Variants in RBFOX1 observed in about 807,000 individuals in gnomAD.
RBFOX1 encodes RNA binding fox-1 homolog 1, also known as RNA binding protein fox-1 homolog 1.
In RBFOX1, 8 loss-of-function variants were observed where a neutral mutation model predicts 57.7. The observed-to-expected ratio is 0.14, with a 90% CI of 0.08 to 0.25. The LOEUF (loss-of-function observed/expected upper bound fraction) is 0.25, where lower values mean the gene tolerates loss of function less well. RBFOX1 is among the 10% of genes least tolerant of loss of function. The pLI is 1.00. For missense variants in RBFOX1, 611 were observed against 548.5 expected (o/e 1.11, Z -1.14); for synonymous variants, 326 against 222.4 (o/e 1.47, Z -4.15).
At position 6,019,363 on chromosome 16, in the gene RBFOX1, C is replaced by A. The variant is rs1344931886; in HGVS notation, c.-756C>A. 20 of 985,258 alleles carry A rather than the reference C, an allele frequency of 2.0e-5. 1 individual carries two copies. Among genetic ancestry groups the A allele is most frequent in the Non-Finnish European group, 2.4e-5 (20 of 830,070 alleles). The allele number at this position is 985,258 out of a possible 1,614,324, so 61.0% of individuals were successfully genotyped here. ...CCTCCTCCAGCCAGAGTCGGTGGGACTGGCTGCGCTGCCCTGAAGTGGTTC... is the reference window on the plus strand; with the variant it reads ...CCTCCTCCAGCCAGAGTCGGTGGGAATGGCTGCGCTGCCCTGAAGTGGTTC... On this transcript the variant is annotated 5_prime_UTR_variant, in exon 1 of 16. In the 5' UTR this introduces an upstream ATG that the reference lacks. Coordinates refer to ENST00000550418, the MANE Select transcript of RBFOX1 (RefSeq NM_018723.4). The surrounding 1 kb of genome is among the most constrained non-coding windows in gnomAD (Gnocchi z 4.2).
Position 7,450,635 on chromosome 16 carries a change from T to A in RBFOX1, c.28-67512T>A, listed in dbSNP as rs570924039. Among the ~76,000 whole-genome samples the A allele has an allele frequency of 3.9e-4, 59 of 152,158 alleles. No individual in the cohort carries two copies. The South Asian group carries it at 0.011, about 28-fold the overall frequency. ...GATTCCAGGCTCCTTTCCAGACCTC[T>A]CCCCTTTTTCACTTTTCCGCCTGAT... On this transcript the variant is annotated intron_variant, in intron 4 of 15. Coordinates refer to ENST00000550418, the MANE Select transcript of RBFOX1 (RefSeq NM_018723.4).
intron 1 of RBFOX1, among the ~76,000 whole-genome samples, chr16:6,125,148 G>C (rs1169433080): frequency 6.6e-6 from 1 of 152,186 alleles, no homozygotes; most frequent in Non-Finnish European, 1.5e-5. Flanking sequence ...TACTGTAAGG[G>C]ACATTGTGCA....
At chr16:5,559,165 CAAAAAA>C (rs35531242) in intron 2 of RBFOX1, among the ~76,000 whole-genome samples, 13 of 65,384 alleles carry the variant, frequency 2.0e-4, no homozygotes, top group Non-Finnish European at 2.5e-4. Context: ...CCCCCCCAGG[CAAAAAA>C]AAAAAAAAAA....
chr16:6,188,720 G>A (rs182582514), intron 1 of RBFOX1, among the ~76,000 whole-genome samples: 54 of 152,168 alleles, frequency 3.5e-4, no homozygotes, highest in African/African-American at 1.3e-3. Context: ...AAGTGGAGGC[G>A]AAAAAATGGA....
At chr16:5,435,081 G>C (rs1597054736) in intron 1 of RBFOX1, among the ~76,000 whole-genome samples, 1 of 152,180 alleles carries the variant, frequency 6.6e-6, no homozygotes, top group East Asian at 1.9e-4. Flanking sequence ...ATTTGTTGTA[G>C]AATAAATAAT....
chr16:5,640,224 G>A (rs1401826977), intron 3 of RBFOX1, among the ~76,000 whole-genome samples: 4 of 152,178 alleles, frequency 2.6e-5, no homozygotes, highest in African/African-American at 9.7e-5. Context: ...AAGCACCCAA[G>A]AATCTATATT....
intron 14 of RBFOX1, among the ~76,000 whole-genome samples, chr16:7,687,161 A>G (rs1485367551): frequency 6.6e-6 from 1 of 152,094 alleles, no homozygotes; most frequent in Non-Finnish European, 1.5e-5. Flanking sequence ...GTCTCATTCT[A>G]CAATTTGCCA....
At chr16:6,539,462 A>G (rs570598211) in intron 2 of RBFOX1, among the ~76,000 whole-genome samples, 4 of 152,222 alleles carry the variant, frequency 2.6e-5, no homozygotes, top group Admixed American at 6.5e-5. Context: ...TTTTTACTCT[A>G]TTACATAGTT....
At chr16:6,944,268 G>A (rs550610174) in intron 3 of RBFOX1, among the ~76,000 whole-genome samples, 5 of 152,064 alleles carry the variant, frequency 3.3e-5, no homozygotes, top group African/African-American at 4.8e-5. Context: ...GGTGGTGGGC[G>A]CCTGTAATCC....
intron 1 of RBFOX1, among the ~76,000 whole-genome samples, chr16:5,332,531 TG>T (rs1463945987): frequency 6.6e-6 from 1 of 152,142 alleles, no homozygotes; most frequent in Non-Finnish European, 1.5e-5. Context: ...CCCAAAGTGC[TG>T]GGATTACAGG....
chr16:5,257,613 T>C (rs1297106521), intron 1 of RBFOX1, among the ~76,000 whole-genome samples: 1 of 152,202 alleles, frequency 6.6e-6, no homozygotes, highest in Non-Finnish European at 1.5e-5. Flanking sequence ...TGGACACTTC[T>C]GGAGGCGCAT....
intron 1 of RBFOX1, among the ~76,000 whole-genome samples, chr16:6,305,112 A>G (rs902334718): frequency 1.3e-5 from 2 of 152,212 alleles, no homozygotes; most frequent in Non-Finnish European, 2.9e-5. Flanking sequence ...AAAGCACATC[A>G]ATCAGTGTCT....
chr16:7,478,072 A>G lies in RBFOX1; in HGVS notation c.28-40075A>G, dbSNP rs551475023. 2.6e-5 allele frequency among the ~76,000 whole-genome samples: 4 copies of G among 152,366 alleles called. No individual in the cohort carries two copies. In the East Asian group the frequency reaches 7.7e-4, roughly 29 times the overall value. The stretch of plus-strand genomic sequence containing the variant: ...AATCGAATAAGTGCATTTCAAATGG[A>G]TAAGCACTTGCAACCCGATGATTAA... On this transcript the variant is annotated intron_variant, in intron 4 of 15. Transcript: ENST00000550418.
At chr16:7,133,607 T>C (rs773737696) in intron 4 of RBFOX1, among the ~76,000 whole-genome samples, 1 of 152,202 alleles carries the variant, frequency 6.6e-6, no homozygotes, top group Non-Finnish European at 1.5e-5. Context: ...AAAGAAACTT[T>C]CCATTTTATT....
At chr16:6,210,547 T>G (rs1408874846) in intron 1 of RBFOX1, among the ~76,000 whole-genome samples, 3 of 151,602 alleles carry the variant, frequency 2.0e-5, no homozygotes, top group African/African-American at 7.3e-5. Context: ...CTGGGTAATG[T>G]AGCGAGACCC....
rs558351050 is a variant in RBFOX1 at position 6,238,758 on chromosome 16, A to G, written c.-126-78237A>G. On this transcript the variant is annotated intron_variant, in intron 1 of 15. Transcript: ENST00000550418. ...TTTTCTGACTGACTATTTTTTTAAAATGTTTTTAATGTTTAATTTTTGTGG... is the reference window on the plus strand; with the variant it reads ...TTTTCTGACTGACTATTTTTTTAAAGTGTTTTTAATGTTTAATTTTTGTGG... Among the ~76,000 whole-genome samples, 85 of 152,214 alleles carry G rather than the reference A, an allele frequency of 5.6e-4. 1 individual carries two copies. Among genetic ancestry groups the G allele is most frequent in the South Asian group, 3.3e-3 (16 of 4,818 alleles).
chr16:7,024,388 G>C (rs566599903), intron 3 of RBFOX1, among the ~76,000 whole-genome samples: 2 of 152,204 alleles, frequency 1.3e-5, no homozygotes, highest in African/African-American at 4.8e-5. Flanking sequence ...GAAGCTTGAT[G>C]CCTAAAGCAG....
At chr16:6,960,269 C>T (rs1184901176) in intron 3 of RBFOX1, among the ~76,000 whole-genome samples, 1 of 152,138 alleles carries the variant, frequency 6.6e-6, no homozygotes, top group African/African-American at 2.4e-5. Context: ...AGAGGAAGGT[C>T]TTCAGGCCTC....
chr16:5,378,927 T>C (rs1026992300), intron 1 of RBFOX1, among the ~76,000 whole-genome samples: 1 of 151,622 alleles, frequency 6.6e-6, no homozygotes, highest in Non-Finnish European at 1.5e-5. Flanking sequence ...GGATGACCTT[T>C]TCTCCACTGA....
Sources: gnomAD v4.1 joint callset for allele counts (sites outside exome capture counted in the v4.1 genomes callset) on GRCh38, gnomAD v4.1.1 for gene constraint, Gnocchi (gnomAD v3.1) non-coding constraint, MANE v1.5 for transcripts, NCBI Gene and HGNC (gene_info 2026-07-23, HGNC 2026-07-21) for gene names.